DYNC2H1: variants seen among roughly 807,000 people sequenced by gnomAD.
The protein encoded by DYNC2H1 is dynein cytoplasmic 2 heavy chain 1, also known as cytoplasmic dynein 2 heavy chain 1.
DYNC2H1 carries 410 observed loss-of-function variants against 570.0 expected under a neutral mutation model. The ratio of observed to expected loss-of-function variants is 0.72; its 90% confidence interval spans 0.66 to 0.78. The LOEUF is 0.78. DYNC2H1 is among the 30% of genes least tolerant of loss of function. The probability of loss-of-function intolerance (pLI) is 0.00; values close to 1 mark genes in which losing one functional copy is unlikely to be tolerated. For missense variants in DYNC2H1, 4,865 were observed against 5,046.4 expected, an observed-to-expected ratio of 0.96 and a Z score of 1.09; for synonymous variants, 1,688 against 1,677.6, an observed-to-expected ratio of 1.01 and a Z score of -0.15.
At chr11:103,111,622 A>G (rs543268152) in intron 1 of DYNC2H1, among the ~76,000 whole-genome samples, 1 of 152,298 alleles carries the variant, frequency 6.6e-6, no homozygotes, top group East Asian at 1.9e-4. Context: ...TGCAGTAGGA[A>G]AGATGGAAAG....
chr11:103,337,535 G>A (rs983373216), intron 82 of DYNC2H1, among the ~76,000 whole-genome samples: 3 of 152,022 alleles, frequency 2.0e-5, no homozygotes, highest in African/African-American at 7.3e-5. Flanking sequence ...CACATCCTCC[G>A]TAGCATCCAT....
chr11:103,370,481 C>A (rs1941100908), intron 83 of DYNC2H1, among the ~76,000 whole-genome samples: 1 of 152,112 alleles, frequency 6.6e-6, no homozygotes, highest in African/African-American at 2.4e-5. Context: ...TGATCATAGG[C>A]CATAGCCAAG....
intron 83 of DYNC2H1, among the ~76,000 whole-genome samples, chr11:103,383,045 C>G (rs535895789): frequency 6.6e-6 from 1 of 152,238 alleles, no homozygotes. Flanking sequence ...AAAGACCCCT[C>G]GGAGCCAGAC....
intron 82 of DYNC2H1, among the ~76,000 whole-genome samples, chr11:103,347,395 G>A (rs1939794789): frequency 6.6e-6 from 1 of 151,778 alleles, no homozygotes; most frequent in African/African-American, 2.4e-5. Context: ...TTTGTTTCTT[G>A]GGAGAAGTAA....
intron 28 of DYNC2H1, among the ~76,000 whole-genome samples, chr11:103,159,339 C>A (rs1860980651): frequency 6.6e-6 from 1 of 152,110 alleles, no homozygotes; most frequent in African/African-American, 2.4e-5. Flanking sequence ...AATGTATAGG[C>A]CTTAGTTAGA....
intron 34 of DYNC2H1, 60 bp from the exon 35 acceptor site, chr11:103,173,022 T>A (rs1174498977): frequency 1.1e-6 from 1 of 902,590 alleles, no homozygotes; most frequent in East Asian, 4.3e-5. Context: ...GATGCCTATA[T>A]GTTAAATATT....
At chr11:103,386,360 A>G (rs554090050) in intron 83 of DYNC2H1, among the ~76,000 whole-genome samples, 2 of 152,174 alleles carry the variant, frequency 1.3e-5, no homozygotes, top group African/African-American at 4.8e-5. Flanking sequence ...AGCTGTTGAA[A>G]TGCTAACTCT....
intron 34 of DYNC2H1, among the ~76,000 whole-genome samples, chr11:103,171,838 CAAG>C (rs1861586690): frequency 6.6e-6 from 1 of 152,038 alleles, no homozygotes; most frequent in Non-Finnish European, 1.5e-5. Context: ...GTTTAACCTT[CAAG>C]CATAGGAGCA....
rs1859357624 is a variant in DYNC2H1, at chr11:103,133,076, C to T, written c.1954-479C>T. On this transcript the variant is annotated intron_variant, in intron 13 of 88. Coordinates refer to ENST00000375735, the MANE Select transcript of DYNC2H1 (RefSeq NM_001377.3). This position sits in a 1 kb window ranked among gnomAD's most constrained non-coding sequence, Gnocchi z 4.8. ...AAACATTAGAAAGGGGTGATTTTCT[C>T]CTTGGTGTTAAGCTACAATAGGATG... Among the ~76,000 whole-genome samples the T allele has an allele frequency of 6.6e-6, 1 of 152,040 alleles. No individual in the cohort carries two copies. Among genetic ancestry groups the T allele is most frequent in the South Asian group, 2.1e-4 (1 of 4,822 alleles).
At chr11:103,291,281 T>C (rs2135368397) in intron 75 of DYNC2H1, among the ~76,000 whole-genome samples, 1 of 152,006 alleles carries the variant, frequency 6.6e-6, no homozygotes, top group Non-Finnish European at 1.5e-5. Flanking sequence ...CTACTAAAAA[T>C]ACAAAAATTA....
At chr11:103,160,289 G>A (rs1861037010) in intron 28 of DYNC2H1, among the ~76,000 whole-genome samples, 1 of 151,880 alleles carries the variant, frequency 6.6e-6, no homozygotes, top group Admixed American at 6.6e-5. Flanking sequence ...TGGGGGAAAG[G>A]GAAGTCTTAT....
chr11:103,150,308 G>A (rs1380110391), intron 20 of DYNC2H1, among the ~76,000 whole-genome samples: 1 of 151,652 alleles, frequency 6.6e-6, no homozygotes, highest in Non-Finnish European at 1.5e-5. Context: ...GGAGACAATA[G>A]TGGTGGACAG....
At chr11:103,178,733 T>G (rs1861728520) in intron 38 of DYNC2H1, among the ~76,000 whole-genome samples, 1 of 152,084 alleles carries the variant, frequency 6.6e-6, no homozygotes, top group African/African-American at 2.4e-5. Flanking sequence ...CCTTCGTACA[T>G]TCTCATAACA....
chr11:103,454,369 A>G (rs558326642), intron 85 of DYNC2H1, among the ~76,000 whole-genome samples: 2 of 152,246 alleles, frequency 1.3e-5, no homozygotes, highest in South Asian at 4.1e-4. Flanking sequence ...GAATCAGTCT[A>G]TCTCTTAAAG....
chr11:103,163,830 A>G lies in DYNC2H1; in HGVS notation c.4611+683A>G, dbSNP rs972620545. ...GGATGTTTCATGATTTCTTACAGAAAAATCTACCCAGCAGCTCTCAAAGTT... is the reference window on the plus strand; with the variant it reads ...GGATGTTTCATGATTTCTTACAGAAGAATCTACCCAGCAGCTCTCAAAGTT... On this transcript the variant is annotated intron_variant, in intron 30 of 88. Coordinates refer to ENST00000375735, the MANE Select transcript of DYNC2H1 (RefSeq NM_001377.3). The surrounding 1 kb of genome is among the most constrained non-coding windows in gnomAD (Gnocchi z 4.6). Among the ~76,000 whole-genome samples the G allele has an allele frequency of 4.6e-5, 7 of 152,206 alleles. No individual in the cohort carries two copies. The highest frequency in any genetic ancestry group is 1.7e-4 in the African/African-American group (7 of 41,448).
chr11:103,110,167 G>C (rs1565305148), intron 1 of DYNC2H1, among the ~76,000 whole-genome samples: 1 of 151,874 alleles, frequency 6.6e-6, no homozygotes, highest in African/African-American at 2.4e-5. Flanking sequence ...TAGCAGGCGC[G>C]CGCCGCCACG....
In DYNC2H1 at chr11:103,364,599, G is replaced by GT. The variant is rs36030711; in HGVS notation, c.12156+6255dup. Among the ~76,000 whole-genome samples, 846 of 129,870 alleles carry GT rather than the reference G, an allele frequency of 6.5e-3. 8 individuals carry two copies. Among genetic ancestry groups the GT allele is most frequent in the East Asian group, 0.028 (124 of 4,500 alleles). The allele number at this position is 129,870 out of a possible 152,430, so 85.2% of individuals were successfully genotyped here. A position where few individuals can be genotyped will look rare whatever the true frequency, so the allele number is the denominator to read the frequency against. On this transcript the variant is annotated intron_variant, in intron 83 of 88. Transcript: ENST00000375735. ...CTCTGGTTCGTATTTAAATCTTGTT[G>GT]TTTTTTTTTTTTTTTAAGCAGGTAG...
chr11:103,200,934 C>G (rs1357972836), intron 50 of DYNC2H1, among the ~76,000 whole-genome samples: 1 of 152,142 alleles, frequency 6.6e-6, no homozygotes, highest in Non-Finnish European at 1.5e-5. Flanking sequence ...TCAAGTGATT[C>G]TCCTGCCTCA....
chr11:103,222,401 C>CT (rs967121498), intron 58 of DYNC2H1, among the ~76,000 whole-genome samples: 175 of 150,796 alleles, frequency 1.2e-3, no homozygotes, highest in African/African-American at 3.8e-3. Context: ...ATGTTCTCAG[C>CT]TTTTTTTTTA....
Sources: gnomAD v4.1 joint callset for allele counts (sites outside exome capture counted in the v4.1 genomes callset) on GRCh38, gnomAD v4.1.1 for gene constraint, Gnocchi (gnomAD v3.1) non-coding constraint, MANE v1.5 for transcripts, NCBI Gene and HGNC (gene_info 2026-07-23, HGNC 2026-07-21) for gene names.